Variants in ODAD2 observed in about 807,000 individuals in gnomAD.
ODAD2 encodes outer dynein arm docking complex subunit 2.
A neutral mutation model predicts 106.8 loss-of-function variants in ODAD2; 89 were observed. The observed-to-expected ratio is 0.83, with a 90% CI of 0.70 to 0.99. The LOEUF is 0.99. ODAD2 is among the 50% of genes least tolerant of loss of function. The pLI is 0.00. For synonymous variants in ODAD2, 404 were observed against 436.2 expected, an observed-to-expected ratio of 0.93 and a Z score of 0.92; for missense variants, 1,168 against 1,238.5, an observed-to-expected ratio of 0.94 and a Z score of 0.85.
chr10:27,977,497 G>A (rs568369741), intron 7 of ODAD2, among the ~76,000 whole-genome samples: 1 of 152,114 alleles, frequency 6.6e-6, no homozygotes, highest in East Asian at 1.9e-4. Flanking sequence ...AACCCAGGAG[G>A]TGGAGCTTGC....
intron 16 of ODAD2, among the ~76,000 whole-genome samples, chr10:27,925,907 G>A (rs1219754556): frequency 6.6e-6 from 1 of 151,190 alleles, no homozygotes; most frequent in Non-Finnish European, 1.5e-5. Context: ...TTGGGAGGCT[G>A]AGACAGGAGA....
chr10:27,997,345 A>G (rs1357313422), intron 1 of ODAD2: 4 of 152,332 alleles, frequency 2.6e-5, no homozygotes, highest in African/African-American at 9.6e-5. Flanking sequence ...TATCTTATAC[A>G]GAAAGGCTTA....
intron 7 of ODAD2, 128 bp downstream of exon 7, chr10:27,981,338 G>GT (rs1849531674): frequency 1.3e-6 from 1 of 769,818 alleles, no homozygotes; most frequent in African/African-American, 1.9e-5. Context: ...ATGTTATGTT[G>GT]TAAAAAAAAA....
chr10:27,874,034 G>T (rs1013362992), intron 17 of ODAD2, among the ~76,000 whole-genome samples: 2 of 152,162 alleles, frequency 1.3e-5, no homozygotes, highest in African/African-American at 2.4e-5. Context: ...ATGAATCTGG[G>T]TGCTTCTGTA....
At chr10:27,841,322 A>G (rs1838289931) in intron 19 of ODAD2, among the ~76,000 whole-genome samples, 2 of 152,090 alleles carry the variant, frequency 1.3e-5, no homozygotes, top group African/African-American at 4.8e-5. Flanking sequence ...CTAAGCCACC[A>G]TTTCTCATGC....
At chr10:27,815,229 T>G (rs570852958) in intron 19 of ODAD2, among the ~76,000 whole-genome samples, 8 of 152,312 alleles carry the variant, frequency 5.3e-5, no homozygotes, top group Admixed American at 4.6e-4. Flanking sequence ...CTTAGGACAT[T>G]TTACTACCAA....
chr10:27,919,943 C>T (rs1011678146), intron 16 of ODAD2, among the ~76,000 whole-genome samples: 6 of 151,980 alleles, frequency 3.9e-5, no homozygotes, highest in Admixed American at 2.0e-4. Context: ...AAAAATAACC[C>T]GTAATTTAGA....
intron 17 of ODAD2, among the ~76,000 whole-genome samples, chr10:27,871,215 T>C (rs543278586): frequency 1.3e-5 from 2 of 152,200 alleles, no homozygotes; most frequent in Non-Finnish European, 2.9e-5. Flanking sequence ...TGTTTTTTTC[T>C]TCTAAATTTG....
At chr10:27,837,694 TTATAAATATTTCTCTTACTTTTGC>T (rs1288386352) in intron 19 of ODAD2, among the ~76,000 whole-genome samples, 2 of 152,152 alleles carry the variant, frequency 1.3e-5, no homozygotes, top group African/African-American at 4.8e-5. Context: ...AAAATAAACT[TTATAAATATTTCTCTTACTTTTGC>T]TCATGGGTAA....
chr10:27,826,341 A>G (rs1411686779), intron 19 of ODAD2, among the ~76,000 whole-genome samples: 2 of 152,132 alleles, frequency 1.3e-5, no homozygotes, highest in Non-Finnish European at 2.9e-5. Context: ...CAGCAATGGC[A>G]CACACATTAT....
intron 19 of ODAD2, among the ~76,000 whole-genome samples, chr10:27,838,709 A>C (rs962220978): frequency 6.6e-6 from 1 of 152,216 alleles, no homozygotes; most frequent in African/African-American, 2.4e-5. Context: ...TGGCAAAGGT[A>C]CCCAGTAGCA....
intron 16 of ODAD2, among the ~76,000 whole-genome samples, chr10:27,932,540 CAAT>C (rs1845688042): frequency 6.6e-6 from 1 of 152,134 alleles, no homozygotes; most frequent in South Asian, 2.1e-4. Context: ...ACAAGGGAGA[CAAT>C]GATAAATTCT....
intron 17 of ODAD2, among the ~76,000 whole-genome samples, chr10:27,893,255 A>G (rs192086369): frequency 1.3e-5 from 2 of 152,350 alleles, no homozygotes; most frequent in East Asian, 3.9e-4. Context: ...CAATATTCAC[A>G]TCTTATTTTC....
At chr10:27,948,451 G>A (rs1847092487) in intron 10 of ODAD2, among the ~76,000 whole-genome samples, 1 of 152,126 alleles carries the variant, frequency 6.6e-6, no homozygotes, top group South Asian at 2.1e-4. Flanking sequence ...TATGTCAAAG[G>A]ATTTTTGAAT....
Position 27,971,092 on chromosome 10 carries a change from G to T in ODAD2, c.1142+16C>A. 2 of 1,586,480 alleles carry T rather than the reference G, an allele frequency of 1.3e-6. No individual in the cohort carries two copies. Among genetic ancestry groups the T allele is most frequent in the South Asian group, 2.3e-5 (2 of 88,464 alleles). On this transcript the variant is annotated intron_variant, in intron 8 of 19. Transcript: ENST00000305242. ...ACTAATGCTGCATCTGAAAACAAAT[G>T]CAAATATCTACATACCCTTTGTAAT...
intron 19 of ODAD2, among the ~76,000 whole-genome samples, chr10:27,859,795 G>A (rs1416078886): frequency 6.6e-6 from 1 of 152,128 alleles, no homozygotes; most frequent in East Asian, 1.9e-4. Context: ...GTAAGTTAGA[G>A]TCTCTTTACA....
At chr10:27,916,311 C>G (rs1043689196) in intron 16 of ODAD2, among the ~76,000 whole-genome samples, 1 of 152,026 alleles carries the variant, frequency 6.6e-6, no homozygotes, top group African/African-American at 2.4e-5. Flanking sequence ...GCTGGGTAAT[C>G]CAGCATGGTA....
chr10:27,950,096 T>C (rs1284610754), intron 10 of ODAD2, among the ~76,000 whole-genome samples: 1 of 152,086 alleles, frequency 6.6e-6, no homozygotes, highest in Non-Finnish European at 1.5e-5. Context: ...CGGTGAGACT[T>C]GGAGAATCGG....
intron 17 of ODAD2, among the ~76,000 whole-genome samples, chr10:27,895,680 T>C (rs1333144392): frequency 1.3e-5 from 2 of 152,362 alleles, no homozygotes; most frequent in Middle Eastern, 3.4e-3. Context: ...ATGTGGCTAG[T>C]AGTTGCCGTA....
Sources: gnomAD v4.1 joint callset for allele counts (sites outside exome capture counted in the v4.1 genomes callset) on GRCh38, gnomAD v4.1.1 for gene constraint, MANE v1.5 for transcripts, NCBI Gene and HGNC (gene_info 2026-07-23, HGNC 2026-07-21) for gene names.